Variants in ADGRB3 observed in about 807,000 individuals in gnomAD.
ADGRB3 encodes adhesion G protein-coupled receptor B3, also known as brain-specific angiogenesis inhibitor 3.
A neutral mutation model predicts 193.4 loss-of-function variants in ADGRB3; 37 were observed. The observed-to-expected ratio is 0.19, with a 90% confidence interval of 0.15 to 0.25. The LOEUF is 0.25. Ranked by LOEUF, ADGRB3 falls within the 10% of genes least tolerant of loss-of-function variation. The probability of loss-of-function intolerance (pLI) is 1.00; values close to 1 mark genes in which losing one functional copy is unlikely to be tolerated. For missense variants in ADGRB3, 1,637 were observed against 1,852.9 expected (o/e 0.88, Z 2.14); for synonymous variants, 690 against 644.2 (o/e 1.07, Z -1.08).
chr6:68,718,202 A>C (rs903727904), intron 3 of ADGRB3, among the ~76,000 whole-genome samples: 3 of 151,662 alleles, frequency 2.0e-5, no homozygotes, highest in African/African-American at 7.3e-5. Flanking sequence ...CATGGATGTG[A>C]GTGGTTCACA....
intron 4 of ADGRB3, among the ~76,000 whole-genome samples, chr6:68,935,052 T>A (rs1767447087): frequency 6.6e-6 from 1 of 152,200 alleles, no homozygotes; most frequent in South Asian, 2.1e-4. Context: ...GATGGTCATC[T>A]ATGCCTCTTG....
At chr6:68,849,198 A>G (rs1768348340) in intron 3 of ADGRB3, among the ~76,000 whole-genome samples, 1 of 152,030 alleles carries the variant, frequency 6.6e-6, no homozygotes, top group Non-Finnish European at 1.5e-5. Flanking sequence ...TTCAATAATC[A>G]TTCCCAGTGA....
chr6:68,708,281 T>A (rs1765358074), intron 3 of ADGRB3, among the ~76,000 whole-genome samples: 1 of 152,212 alleles, frequency 6.6e-6, no homozygotes, highest in Admixed American at 6.5e-5. Context: ...TATGTTCAAC[T>A]TTTTAGTGAA....
At chr6:68,844,966 C>T (rs986292493) in intron 3 of ADGRB3, among the ~76,000 whole-genome samples, 1 of 151,966 alleles carries the variant, frequency 6.6e-6, no homozygotes, top group Non-Finnish European at 1.5e-5. Context: ...TTACCAGAGT[C>T]TGGGAAGGGT....
At chr6:68,716,514 A>ATT (rs758207785) in intron 3 of ADGRB3, among the ~76,000 whole-genome samples, 1 of 141,884 alleles carries the variant, frequency 7.0e-6, no homozygotes, top group African/African-American at 2.6e-5. Context: ...ATCACAGCTC[A>ATT]TTTTTTTTTT....
chr6:69,053,904 G>T (rs145731562), intron 15 of ADGRB3, among the ~76,000 whole-genome samples: 356 of 152,238 alleles, frequency 2.3e-3, no homozygotes, highest in African/African-American at 8.3e-3. Context: ...CTCAAGCCAA[G>T]AAATCAATAA....
At chr6:69,253,654 T>C (rs538374821) in intron 20 of ADGRB3, among the ~76,000 whole-genome samples, 1 of 152,270 alleles carries the variant, frequency 6.6e-6, no homozygotes, top group East Asian at 1.9e-4. Context: ...GGGCAAATAC[T>C]CTGCTCCAAG....
chr6:68,689,309 C>A lies in ADGRB3; in HGVS notation c.757+49877C>A, dbSNP rs117661706. On this transcript the variant is annotated intron_variant, in intron 3 of 31. Coordinates refer to ENST00000370598, the MANE Select transcript of ADGRB3 (RefSeq NM_001704.3). Reference sequence around the variant, plus strand: ...GCAGAGGACTAAGAACTCCCTCAGACCCCACCACTTCAAACTCCTGTTGGA... The same window carrying A: ...GCAGAGGACTAAGAACTCCCTCAGAACCCACCACTTCAAACTCCTGTTGGA... Among the ~76,000 whole-genome samples the A allele has an allele frequency of 6.8e-3, 1,040 of 152,182 alleles. 7 individuals carry two copies. The highest frequency in any genetic ancestry group is 0.013 in the Non-Finnish European group (858 of 68,002).
chr6:69,220,611 G>A (rs1330165770), intron 17 of ADGRB3, among the ~76,000 whole-genome samples: 1 of 152,036 alleles, frequency 6.6e-6, no homozygotes, highest in African/African-American at 2.4e-5. Context: ...CTCATTCTCT[G>A]AGCTCAACAG....
chr6:68,784,547 C>G (rs1165650319), intron 3 of ADGRB3, among the ~76,000 whole-genome samples: 1 of 152,060 alleles, frequency 6.6e-6, no homozygotes, highest in African/African-American at 2.4e-5. Flanking sequence ...CATGTATATA[C>G]TTTTTTTCAC....
At chr6:68,910,166 G>A (rs1766660225) in intron 3 of ADGRB3, among the ~76,000 whole-genome samples, 1 of 152,144 alleles carries the variant, frequency 6.6e-6, no homozygotes, top group Admixed American at 6.5e-5. Flanking sequence ...GTGATGATGA[G>A]CATTTTTTCA....
intron 26 of ADGRB3, among the ~76,000 whole-genome samples, chr6:69,352,712 G>A (rs570278984): frequency 3.5e-4 from 54 of 152,280 alleles, no homozygotes; most frequent in African/African-American, 1.3e-3. Flanking sequence ...GGCTACTAAT[G>A]ACTATGAAAT....
intron 17 of ADGRB3, among the ~76,000 whole-genome samples, chr6:69,100,397 C>T (rs1772999157): frequency 6.6e-6 from 1 of 151,948 alleles, no homozygotes; most frequent in South Asian, 2.1e-4. Context: ...AAAATGTTCA[C>T]TAGGAAAATA....
chr6:68,833,441 T>G (rs1346856787), intron 3 of ADGRB3, among the ~76,000 whole-genome samples: 2 of 151,642 alleles, frequency 1.3e-5, no homozygotes, highest in African/African-American at 4.8e-5. Flanking sequence ...GTCCTTCAGT[T>G]TGTGGCTTTG....
chr6:68,956,222 G>T (rs780718151), intron 7 of ADGRB3, 34 bp downstream of exon 7: 3 of 1,569,416 alleles, frequency 1.9e-6, no homozygotes, highest in South Asian at 2.3e-5. Context: ...ATGGGCACTC[G>T]TACCATGTAA....
intron 3 of ADGRB3, among the ~76,000 whole-genome samples, chr6:68,717,342 T>A (rs73463911): frequency 0.032 from 4,920 of 151,816 alleles, 145 homozygotes; most frequent in African/African-American, 0.073. Flanking sequence ...CCAATTCAAA[T>A]TATATTCAAT....
intron 3 of ADGRB3, among the ~76,000 whole-genome samples, chr6:68,823,792 C>T (rs56112539): frequency 6.6e-6 from 1 of 152,062 alleles, no homozygotes; most frequent in African/African-American, 2.4e-5. Flanking sequence ...ATCATTGCTT[C>T]TTGCATAAAA....
intron 3 of ADGRB3, among the ~76,000 whole-genome samples, chr6:68,906,455 A>G (rs756526826): frequency 3.9e-5 from 6 of 151,992 alleles, no homozygotes; most frequent in Non-Finnish European, 8.8e-5. Context: ...TTAATCATAC[A>G]TCATTGACCA....
intron 3 of ADGRB3, among the ~76,000 whole-genome samples, chr6:68,662,485 T>G (rs1179824454): frequency 1.3e-5 from 2 of 151,580 alleles, no homozygotes; most frequent in African/African-American, 2.4e-5. Flanking sequence ...GAATGTTTTG[T>G]GAATAATTAA....
Sources: gnomAD v4.1 joint callset for allele counts (sites outside exome capture counted in the v4.1 genomes callset) on GRCh38, gnomAD v4.1.1 for gene constraint, MANE v1.5 for transcripts, NCBI Gene and HGNC (gene_info 2026-07-23, HGNC 2026-07-21) for gene names.